ANKS1B: variants seen among roughly 807,000 people sequenced by gnomAD.
The protein encoded by ANKS1B is ankyrin repeat and sterile alpha motif domain-containing protein 1B.
Under a neutral mutation model 148.3 loss-of-function variants are expected in ANKS1B, and 36 were observed. The ratio of observed to expected loss-of-function variants is 0.24; its 90% confidence interval spans 0.19 to 0.32. The LOEUF is 0.32. ANKS1B is among the 10% of genes least tolerant of loss of function. ANKS1B has a pLI of 1.00. For synonymous variants in ANKS1B, 542 were observed against 560.8 expected (o/e 0.97, Z 0.47); for missense variants, 1,157 against 1,542.6 (o/e 0.75, Z 4.19).
intron 9 of ANKS1B, among the ~76,000 whole-genome samples, chr12:99,591,741 T>C (rs893346226): frequency 1.3e-5 from 2 of 152,006 alleles, no homozygotes; most frequent in South Asian, 2.1e-4. Flanking sequence ...ATCTAAAGGG[T>C]AGCACAAGTT....
At chr12:99,944,306 T>C (rs1251196201) in intron 1 of ANKS1B, among the ~76,000 whole-genome samples, 2 of 152,156 alleles carry the variant, frequency 1.3e-5, no homozygotes, top group Non-Finnish European at 2.9e-5. Flanking sequence ...TGAGTTTCCA[T>C]CTTTTCGTAT....
intron 17 of ANKS1B, among the ~76,000 whole-genome samples, chr12:98,941,658 T>G (rs1297136816): frequency 1.3e-5 from 2 of 152,202 alleles, no homozygotes; most frequent in Admixed American, 1.3e-4. Context: ...AAAAAAAATC[T>G]CAGGGCAAAT....
intron 12 of ANKS1B, among the ~76,000 whole-genome samples, chr12:99,372,093 C>T (rs1428741960): frequency 6.6e-6 from 1 of 151,968 alleles, no homozygotes; most frequent in Admixed American, 6.6e-5. Flanking sequence ...ATAGAATGTA[C>T]AACACCAAGA....
At chr12:99,225,337 C>G (rs959162396) in intron 14 of ANKS1B, among the ~76,000 whole-genome samples, 9 of 152,050 alleles carry the variant, frequency 5.9e-5, no homozygotes, top group African/African-American at 2.2e-4. Context: ...CTATAGCCCA[C>G]TTTTGTCTTG....
intron 17 of ANKS1B, among the ~76,000 whole-genome samples, chr12:98,923,642 T>C (rs2099804307): frequency 6.6e-6 from 1 of 152,210 alleles, no homozygotes; most frequent in Non-Finnish European, 1.5e-5. Context: ...TTTAGATAAC[T>C]GATAAACCAG....
intron 8 of ANKS1B, among the ~76,000 whole-genome samples, chr12:99,736,624 G>A (rs532392158): frequency 6.6e-6 from 1 of 152,062 alleles, no homozygotes; most frequent in Non-Finnish European, 1.5e-5. Flanking sequence ...GACATCCCAT[G>A]TTCACAGATC....
intron 1 of ANKS1B, among the ~76,000 whole-genome samples, chr12:99,874,588 CAA>C (rs1266239748): frequency 3.9e-5 from 6 of 152,126 alleles, no homozygotes; most frequent in African/African-American, 1.4e-4. Flanking sequence ...TAGCTAAGAT[CAA>C]GAGAAGTCTC....
intron 12 of ANKS1B, among the ~76,000 whole-genome samples, chr12:99,264,391 T>A (rs2076230749): frequency 6.6e-6 from 1 of 152,176 alleles, no homozygotes; most frequent in Admixed American, 6.5e-5. Flanking sequence ...AATATTCTAC[T>A]TTACTGACTT....
At chr12:98,995,439 T>TA (rs1219294642) in intron 17 of ANKS1B, among the ~76,000 whole-genome samples, 1 of 151,858 alleles carries the variant, frequency 6.6e-6, no homozygotes, top group Non-Finnish European at 1.5e-5. Context: ...AAAAAAAATT[T>TA]AAAAAATTAA....
chr12:99,849,480 T>C (rs1392842419), intron 1 of ANKS1B, among the ~76,000 whole-genome samples: 2 of 152,078 alleles, frequency 1.3e-5, no homozygotes, highest in East Asian at 3.8e-4. Flanking sequence ...AGTTACTTAG[T>C]AGTACTTATT....
intron 12 of ANKS1B, among the ~76,000 whole-genome samples, chr12:99,284,976 ATAAAC>A (rs1245887430): frequency 1.3e-5 from 2 of 152,240 alleles, no homozygotes; most frequent in Non-Finnish European, 2.9e-5. Flanking sequence ...TTGGCATACA[ATAAAC>A]TAAACACACT....
At chr12:98,908,206 T>C (rs1175313836) in intron 17 of ANKS1B, among the ~76,000 whole-genome samples, 1 of 152,198 alleles carries the variant, frequency 6.6e-6, no homozygotes, top group African/African-American at 2.4e-5. Flanking sequence ...GACTTCCCTG[T>C]CCCTGGCCAG....
intron 18 of ANKS1B, chr12:98,831,070 C>T (rs1049113848): frequency 6.7e-6 from 1 of 150,284 alleles, no homozygotes; most frequent in African/African-American, 2.4e-5. Flanking sequence ...GCCTCAGCCT[C>T]CCGAGTAGCT....
intron 1 of ANKS1B, among the ~76,000 whole-genome samples, chr12:99,968,607 T>C (rs768613966): frequency 1.3e-5 from 2 of 152,194 alleles, no homozygotes; most frequent in Non-Finnish European, 2.9e-5. Context: ...TGGTGAACAC[T>C]GTACTTTCCT....
At chr12:99,424,426 A>T (rs2095189253) in intron 11 of ANKS1B, among the ~76,000 whole-genome samples, 2 of 148,810 alleles carry the variant, frequency 1.3e-5, no homozygotes, top group Non-Finnish European at 3.1e-5. Context: ...AACTCCAGAA[A>T]TAAACAGAAA....
intron 17 of ANKS1B, among the ~76,000 whole-genome samples, chr12:99,022,827 C>T (rs2153442267): frequency 6.6e-6 from 1 of 152,234 alleles, no homozygotes; most frequent in Non-Finnish European, 1.5e-5. Context: ...ACTGGGAGTA[C>T]AGGCATAAGC....
chr12:99,283,636 T>C (rs532255689), intron 12 of ANKS1B, among the ~76,000 whole-genome samples: 4 of 152,316 alleles, frequency 2.6e-5, no homozygotes, highest in South Asian at 2.1e-4. Flanking sequence ...ACTATCTGTA[T>C]ATAAATAGCT....
In ANKS1B at chr12:99,218,594, G is replaced by A. The variant is rs78153361; in HGVS notation, c.2419+25748C>T. On this transcript the variant is annotated intron_variant, in intron 14 of 26. Coordinates refer to ENST00000683438, the MANE Select transcript of ANKS1B (RefSeq NM_001352186.2). Reference sequence around the variant, plus strand: ...CCCTGGAAAGATTCATGAAATATTAGAAAGCAAATCATTTTAACACAGAAG... The same window carrying A: ...CCCTGGAAAGATTCATGAAATATTAAAAAGCAAATCATTTTAACACAGAAG... Among the ~76,000 whole-genome samples, 642 of 152,248 alleles carry A rather than the reference G, an allele frequency of 4.2e-3. 21 individuals carry two copies. The East Asian group carries it at 0.081, about 19-fold the overall frequency.
rs10695483 is a variant in ANKS1B, at chr12:98,848,743, G to GTTTT, written c.2779-16611_2779-16608dup. The stretch of plus-strand genomic sequence containing the variant: ...CTGGATTAATTTCTGTGTATGTGTG[G>GTTTT]TTTTTTTTTTTTTGAGACGGAGTCT... On this transcript the variant is annotated intron_variant, in intron 17 of 26. Coordinates refer to ENST00000683438, the MANE Select transcript of ANKS1B (RefSeq NM_001352186.2). Among the ~76,000 whole-genome samples the GTTTT allele has an allele frequency of 2.7e-4, 13 of 48,090 alleles. 4 individuals are homozygous for GTTTT. Among genetic ancestry groups the GTTTT allele is most frequent in the African/African-American group, 7.1e-4 (8 of 11,218 alleles). The allele number at this position is 48,090 out of a possible 152,430, so 31.5% of individuals were successfully genotyped here.
Sources: allele counts gnomAD v4.1 joint callset (sites outside exome capture counted in the v4.1 genomes callset), GRCh38; gene constraint gnomAD v4.1.1; transcripts MANE v1.5; gene names NCBI Gene and HGNC (gene_info 2026-07-23, HGNC 2026-07-21).